The following HPSE2 variants were observed in gnomAD, a reference collection of about 807,000 sequenced individuals.
HPSE2 encodes heparanase 2 (inactive).
In HPSE2, 38 loss-of-function variants were observed where a neutral mutation model predicts 60.5. The observed-to-expected ratio is 0.63, with a 90% CI of 0.48 to 0.82. The LOEUF is 0.82. HPSE2 is among the 40% of genes least tolerant of loss of function. The probability of loss-of-function intolerance (pLI) is 0.00; values close to 1 mark genes in which losing one functional copy is unlikely to be tolerated. For missense variants in HPSE2, 713 were observed against 740.4 expected (o/e 0.96, Z 0.43); for synonymous variants, 295 against 293.2 (o/e 1.01, Z -0.06).
At chr10:98,576,934 G>A (rs546076405) in intron 9 of HPSE2, among the ~76,000 whole-genome samples, 66 of 151,914 alleles carry the variant, frequency 4.3e-4, no homozygotes, top group South Asian at 8.3e-4. Flanking sequence ...GGTGAGTGCA[G>A]CTTCTCCCAT....
In HPSE2 at chr10:98,558,980, T is replaced by G. The variant is rs1161534761; in HGVS notation, c.1320+55924A>C. The stretch of plus-strand genomic sequence containing the variant: ...CTCATTCATGTTCCCTGTCTAGCCT[T>G]TCTAGGCATCTGAGTTTGTGTCCCT... On this transcript the variant is annotated intron_variant, in intron 9 of 11. Transcript: ENST00000370552. 2.6e-5 allele frequency among the ~76,000 whole-genome samples: 4 copies of G among 152,264 alleles called. No homozygotes were observed. In the East Asian group the frequency reaches 7.7e-4, roughly 29 times the overall value.
chr10:99,289,871 G>A, the HPSE2 span, among the ~76,000 whole-genome samples: 4 of 152,016 alleles, frequency 2.6e-5, no homozygotes, highest in African/African-American at 7.2e-5. Context: ...ACCAGCTAAC[G>A]AAAGGTTATA....
intron 3 of HPSE2, among the ~76,000 whole-genome samples, chr10:98,810,890 A>C (rs1471401073): frequency 6.6e-6 from 1 of 152,122 alleles, no homozygotes; most frequent in Non-Finnish European, 1.5e-5. Context: ...TGGTTTGGAC[A>C]AGTTTTTTTA....
chr10:98,827,274 C>T (rs1241591126), intron 3 of HPSE2, among the ~76,000 whole-genome samples: 3 of 152,198 alleles, frequency 2.0e-5, no homozygotes, highest in East Asian at 1.9e-4. Context: ...GGCACAATCT[C>T]GGCTCACCAC....
intron 5 of HPSE2, among the ~76,000 whole-genome samples, chr10:98,705,527 C>G (rs1286656844): frequency 6.6e-6 from 1 of 152,092 alleles, no homozygotes; most frequent in Admixed American, 6.5e-5. Flanking sequence ...TAATGATAGA[C>G]TAAATAAAGA....
intron 3 of HPSE2, among the ~76,000 whole-genome samples, chr10:98,877,337 G>A (rs1382346216): frequency 6.6e-6 from 1 of 151,414 alleles, no homozygotes. Context: ...TTTTTTGTAA[G>A]CCATCTATAA....
At chr10:99,201,449 T>C (rs547261291) in intron 2 of HPSE2, among the ~76,000 whole-genome samples, 3 of 152,164 alleles carry the variant, frequency 2.0e-5, no homozygotes, top group Admixed American at 6.5e-5. Context: ...ATAATTTTCT[T>C]AGTCACAATC....
chr10:99,156,377 C>A (rs1846561336), intron 2 of HPSE2, among the ~76,000 whole-genome samples: 1 of 143,004 alleles, frequency 7.0e-6, no homozygotes. Flanking sequence ...ACGAATCCAG[C>A]AGCACATCAA....
At chr10:99,164,435 G>A (rs1422647579) in intron 2 of HPSE2, among the ~76,000 whole-genome samples, 1 of 150,086 alleles carries the variant, frequency 6.7e-6, no homozygotes, top group African/African-American at 2.5e-5. Context: ...CTTACTTTCT[G>A]GCACCACAAA....
chr10:98,536,257 T>C (rs757890794), intron 9 of HPSE2, among the ~76,000 whole-genome samples: 4 of 152,228 alleles, frequency 2.6e-5, no homozygotes, highest in Non-Finnish European at 5.9e-5. Flanking sequence ...AGAATCAGAA[T>C]CAGAGTCATG....
intron 4 of HPSE2, among the ~76,000 whole-genome samples, chr10:98,726,795 G>A (rs1949096213): frequency 6.6e-6 from 1 of 152,016 alleles, no homozygotes; most frequent in Non-Finnish European, 1.5e-5. Flanking sequence ...AGTGTGGATA[G>A]TAGGAGGATT....
At chr10:99,268,102 C>T in the HPSE2 span, among the ~76,000 whole-genome samples, 4 of 152,172 alleles carry the variant, frequency 2.6e-5, no homozygotes, top group South Asian at 8.3e-4. Flanking sequence ...ACAGAGATTT[C>T]TCAGCAGAAA....
chr10:98,699,596 C>G (rs1948342962), intron 5 of HPSE2, among the ~76,000 whole-genome samples: 1 of 126,314 alleles, frequency 7.9e-6, no homozygotes, highest in Non-Finnish European at 1.7e-5. Flanking sequence ...CAGAGATGCC[C>G]TCTCTCACCA....
At chr10:98,847,964 C>T (rs752211800) in intron 3 of HPSE2, among the ~76,000 whole-genome samples, 15 of 152,154 alleles carry the variant, frequency 9.9e-5, no homozygotes, top group Admixed American at 2.0e-4. Context: ...AAAGTGTTAA[C>T]GAAACTTTAT....
chr10:98,997,329 G>C (rs1206432905), intron 3 of HPSE2, among the ~76,000 whole-genome samples: 1 of 151,734 alleles, frequency 6.6e-6, no homozygotes, highest in African/African-American at 2.4e-5. Flanking sequence ...TATTGGCCAG[G>C]CTGGTCTTGA....
At chr10:98,822,889 T>C (rs986651738) in intron 3 of HPSE2, among the ~76,000 whole-genome samples, 2 of 152,184 alleles carry the variant, frequency 1.3e-5, no homozygotes, top group Non-Finnish European at 2.9e-5. Context: ...TGTTACTTTA[T>C]GGGGCAAAAG....
At chr10:99,283,538 A>T in the HPSE2 span, among the ~76,000 whole-genome samples, 4,147 of 151,892 alleles carry the variant, frequency 0.027, 187 homozygotes, top group African/African-American at 0.094. Context: ...AAATTTTTTT[A>T]AAGGGAAAAT....
intron 9 of HPSE2, among the ~76,000 whole-genome samples, chr10:98,533,026 T>C (rs1375880234): frequency 2.0e-5 from 3 of 152,234 alleles, no homozygotes; most frequent in East Asian, 1.9e-4. Flanking sequence ...GAACTAGATA[T>C]GTGTCTTCTT....
intron 3 of HPSE2, among the ~76,000 whole-genome samples, chr10:99,140,586 A>G (rs73331996): frequency 6.6e-6 from 1 of 152,168 alleles, no homozygotes; most frequent in Non-Finnish European, 1.5e-5. Context: ...TTATTTCCCC[A>G]TAAGGTTGAC....
Sources: allele counts gnomAD v4.1 joint callset (sites outside exome capture counted in the v4.1 genomes callset), GRCh38; gene constraint gnomAD v4.1.1; transcripts MANE v1.5; gene names NCBI Gene and HGNC (gene_info 2026-07-23, HGNC 2026-07-21).